Variants in EFHB observed in about 807,000 individuals in gnomAD.
EFHB encodes the protein EF-hand domain family member B.
A neutral mutation model predicts 87.2 loss-of-function variants in EFHB; 91 were observed. The ratio of observed to expected loss-of-function variants is 1.04; its 90% CI spans 0.88 to 1.24. EFHB has a LOEUF of 1.24. Among genes scored for constraint, EFHB ranks in the 50% most tolerant of loss-of-function variants. EFHB has a pLI of 0.00. For missense variants in EFHB, 1,084 were observed against 998.8 expected, an observed-to-expected ratio of 1.09 and a Z score of -1.15; for synonymous variants, 325 against 333.6, an observed-to-expected ratio of 0.97 and a Z score of 0.28.
intron 1 of EFHB, among the ~76,000 whole-genome samples, chr3:19,922,262 G>A (rs1361267910): frequency 1.3e-5 from 2 of 152,202 alleles, no homozygotes; most frequent in Non-Finnish European, 2.9e-5. Context: ...AGGCAGTTAA[G>A]AATCAGCAGA....
At chr3:19,920,447 C>T (rs542677643) in intron 2 of EFHB, 58 bp downstream of exon 2, 582 of 1,416,878 alleles carry the variant, frequency 4.1e-4, no homozygotes, top group Non-Finnish European at 5.5e-4. Flanking sequence ...TTGCCTATTC[C>T]TTAATGTTCA....
intron 5 of EFHB, among the ~76,000 whole-genome samples, 187 bp downstream of exon 5, chr3:19,915,116 T>A (rs1695182478): frequency 6.6e-6 from 1 of 152,098 alleles, no homozygotes; most frequent in East Asian, 1.9e-4. Context: ...AAAATTTTTT[T>A]AAAAACCGTA....
intron 9 of EFHB, among the ~76,000 whole-genome samples, chr3:19,891,663 T>C (rs372761500): frequency 2.0e-5 from 3 of 152,282 alleles, no homozygotes; most frequent in African/African-American, 4.8e-5. Context: ...AAGACACCCC[T>C]TTAAGGGACT....
In EFHB at chr3:19,898,814, A is replaced by G. The variant is rs766584565; in HGVS notation, c.1534T>C (p.Cys512Arg). ...GGACGGAGACAAGCTCCAAATGTGC[A>G]GTCTGGGGGAACATTCATTGTTTCT... Reference protein sequence around the residue: ...IAETMNVPPDCTFGACLRPEE... With the variant: ...IAETMNVPPDRTFGACLRPEE... Residue 512 changes from cysteine to arginine, a missense_variant, in exon 8 of 13, where the codon TGC becomes CGC. By Grantham distance (180) the Cys-to-Arg change is radical (BLOSUM62 -3). Coordinates refer to ENST00000295824, the MANE Select transcript of EFHB (RefSeq NM_144715.4). 7 of 1,613,870 alleles carry G rather than the reference A, an allele frequency of 4.3e-6. No individual in the cohort carries two copies. Among genetic ancestry groups the G allele is most frequent in the Non-Finnish European group, 5.9e-6 (7 of 1,179,830 alleles).
At chr3:19,940,823 G>C in intron 1 of EFHB, 1 of 385,418 alleles carries the variant, frequency 2.6e-6, no homozygotes, top group Non-Finnish European at 5.2e-6. Flanking sequence ...CAAGCAGGTT[G>C]CTATCCTTGG....
chr3:19,905,749 C>G lies in EFHB; in HGVS notation c.1289G>C (p.Gly430Ala), dbSNP rs1376430486. The change falls in exon 6 of 13, where the codon GGA becomes GCA. Residue 430 changes from glycine to alanine, a missense_variant and splice_region_variant. By Grantham distance (60) the Gly-to-Ala change is moderately conservative (BLOSUM62 0). Coordinates refer to ENST00000295824, the MANE Select transcript of EFHB (RefSeq NM_144715.4). ...GTTATACTTTCGGTTCTTTGCCTCTCCTGTGGAAAAAGAAAGGAAGACTTA... is the reference window on the plus strand; with the variant it reads ...GTTATACTTTCGGTTCTTTGCCTCTGCTGTGGAAAAAGAAAGGAAGACTTA... ...YVVSHNDYYA[G>A]EAKNRKYNPS... The G allele has an allele frequency of 1.9e-6, 3 of 1,601,664 alleles. No individual in the cohort carries two copies. The highest frequency in any genetic ancestry group is 1.3e-5 in the African/African-American group (1 of 74,610).
rs183287122 is a variant in EFHB, at chr3:19,914,753, C to T, written c.1288+550G>A. ...CTGATCTGATTCAAAAATTTGTGAA[C>T]TTGACCATCACCCAATATTCTTAAT... On this transcript the variant is annotated intron_variant, in intron 5 of 12. Coordinates refer to ENST00000295824, the MANE Select transcript of EFHB (RefSeq NM_144715.4). Among the ~76,000 whole-genome samples the T allele has an allele frequency of 1.3e-3, 197 of 152,152 alleles. 1 individual carries two copies. Among genetic ancestry groups the T allele is most frequent in the Admixed American group, 1.8e-3 (27 of 15,284 alleles).
rs372861700 is a variant in EFHB, at chr3:19,918,190, T to C, written c.1177+42A>G. On this transcript the variant is annotated intron_variant, in intron 4 of 12. Transcript: ENST00000295824. ...TAATCAAATTTTCCAAAGAGACTTA[T>C]TTTACCAGCCCCTTCCCACCCCTTA... 27 of 1,498,024 alleles carry C rather than the reference T, an allele frequency of 1.8e-5. No homozygotes were observed. In the African/African-American group the frequency reaches 2.3e-4, roughly 13 times the overall value. The allele number at this position is 1,498,024 out of a possible 1,614,324, so 92.8% of individuals were successfully genotyped here.
chr3:19,885,346 G>A (rs76875853), intron 10 of EFHB, among the ~76,000 whole-genome samples: 3 of 152,056 alleles, frequency 2.0e-5, no homozygotes, highest in Admixed American at 6.6e-5. Flanking sequence ...CTACTTGACT[G>A]GGGGGAGCAT....
intron 4 of EFHB, among the ~76,000 whole-genome samples, chr3:19,917,039 T>C (rs997846293): frequency 6.6e-6 from 1 of 152,018 alleles, no homozygotes; most frequent in Non-Finnish European, 1.5e-5. Context: ...AATAATGCCA[T>C]GTCTAACAGT....
chr3:19,883,649 G>A (rs1459427247), intron 11 of EFHB, among the ~76,000 whole-genome samples: 1 of 152,084 alleles, frequency 6.6e-6, no homozygotes, highest in Non-Finnish European at 1.5e-5. Context: ...GGTCTTTTCA[G>A]GTATAATTAA....
chr3:19,934,046 C>A lies in EFHB; in HGVS notation c.-28G>T. 1 of 1,560,662 alleles carries A rather than the reference C, an allele frequency of 6.4e-7. No homozygotes were observed. The highest frequency in any genetic ancestry group is 8.7e-7 in the Non-Finnish European group (1 of 1,152,906). ...ACGATTTCTCCCCATTCTCATTTCT[C>A]CAAGAGCGCTCATCTCTAAGGGGAA... On this transcript the variant is annotated 5_prime_UTR_variant, in exon 1 of 13. Transcript: ENST00000295824.
chr3:19,919,903 T>C lies in EFHB; in HGVS notation c.926A>G (p.Tyr309Cys), dbSNP rs79167019. 344 of 1,613,824 alleles carry C rather than the reference T, an allele frequency of 2.1e-4. 2 individuals are homozygous for C. The African/African-American group carries it at 4.2e-3, about 20-fold the overall frequency. The change falls in exon 3 of 13, where the codon TAC becomes TGC. Residue 309 changes from tyrosine to cysteine, a missense_variant. Physicochemically the swap from Tyr to Cys is radical, Grantham distance 194 (BLOSUM62 -2). Transcript: ENST00000295824. Reference protein sequence around the residue: ...YPPAGVERVFYGRANDPQIAP... With the variant: ...YPPAGVERVFCGRANDPQIAP... Reference sequence around the variant, plus strand: ...AATCTGGGGATCATTTGCTCTTCCGTAAAATACTCTTTCTACTCCAGCAGG... The same window carrying C: ...AATCTGGGGATCATTTGCTCTTCCGCAAAATACTCTTTCTACTCCAGCAGG...
intron 6 of EFHB, among the ~76,000 whole-genome samples, chr3:19,904,652 C>T (rs1694778979): frequency 6.6e-6 from 1 of 152,126 alleles, no homozygotes; most frequent in Non-Finnish European, 1.5e-5. Context: ...TTCTTCTTCC[C>T]CTCTATGGAT....
At chr3:19,919,289 C>T (rs1383758971) in intron 3 of EFHB, among the ~76,000 whole-genome samples, 3 of 151,874 alleles carry the variant, frequency 2.0e-5, no homozygotes, top group Non-Finnish European at 2.9e-5. Flanking sequence ...CTTCACCTCC[C>T]GGGTTCAAGT....
chr3:19,905,586 C>T, intron 6 of EFHB, 34 bp downstream of exon 6: 1 of 1,591,994 alleles, frequency 6.3e-7, no homozygotes, highest in East Asian at 2.3e-5. Flanking sequence ...AAATGTCTAA[C>T]ACTTGTTCCT....
chr3:19,887,778 A>G (rs920034607), intron 10 of EFHB, among the ~76,000 whole-genome samples: 1 of 152,262 alleles, frequency 6.6e-6, no homozygotes, highest in Non-Finnish European at 1.5e-5. Context: ...TAACATTTGA[A>G]TCAAAAGTAA....
intron 12 of EFHB, among the ~76,000 whole-genome samples, chr3:19,880,229 C>CATTCATTTATTT (rs1553627171): frequency 6.1e-5 from 9 of 147,598 alleles, no homozygotes; most frequent in Non-Finnish European, 1.0e-4. Context: ...ACATTAGTTT[C>CATTCATTTATTT]ATTTATTTAT....
chr3:19,885,661 G>T (rs1694073960), intron 10 of EFHB, among the ~76,000 whole-genome samples: 1 of 152,184 alleles, frequency 6.6e-6, no homozygotes, highest in Non-Finnish European at 1.5e-5. Context: ...CAAGTGACCT[G>T]CTGGTATTAG....
Sources: gnomAD v4.1 joint callset for allele counts (sites outside exome capture counted in the v4.1 genomes callset) on GRCh38, gnomAD v4.1.1 for gene constraint, MANE v1.5 for transcripts, NCBI Gene and HGNC (gene_info 2026-07-23, HGNC 2026-07-21) for gene names.